The following MGAT4C variants were observed in gnomAD, a reference collection of about 807,000 sequenced individuals.
MGAT4C encodes the protein alpha-1,3-mannosyl-glycoprotein 4-beta-N-acetylglucosaminyltransferase C.
In MGAT4C, 19 loss-of-function variants were observed where a neutral mutation model predicts 40.1. That is an observed-to-expected ratio of 0.47 (90% CI 0.33 to 0.70). The LOEUF is 0.70. Among genes scored for constraint, MGAT4C ranks in the 30% least tolerant of loss-of-function variants. The pLI is 0.02. For synonymous variants in MGAT4C, 181 were observed against 187.1 expected (o/e 0.97, Z 0.27); for missense variants, 491 against 563.2 (o/e 0.87, Z 1.30).
chr12:86,763,443 A>ATG lies in MGAT4C; in HGVS notation c.-261-36204_-261-36203dup, dbSNP rs943864880. ...ACAGTGCTCATTTGATATCATATTAATGTGTTTCACTGGATTTTAATTAGT... is the reference window on the plus strand; with the variant it reads ...ACAGTGCTCATTTGATATCATATTAATGTGTGTTTCACTGGATTTTAATTAGT... On this transcript the variant is annotated intron_variant, in intron 1 of 7. Coordinates refer to the MGAT4C transcript ENST00000548651. Among the ~76,000 whole-genome samples, 42 of 152,160 alleles carry ATG rather than the reference A, an allele frequency of 2.8e-4. 1 individual carries two copies. Among genetic ancestry groups the ATG allele is most frequent in the African/African-American group, 9.9e-4 (41 of 41,440 alleles).
At chr12:86,494,949 G>A (rs2136327473) in intron 2 of MGAT4C, among the ~76,000 whole-genome samples, 1 of 151,936 alleles carries the variant, frequency 6.6e-6, no homozygotes, top group East Asian at 1.9e-4. Context: ...AATGAAGTTG[G>A]GAATATAATG....
chr12:86,322,896 A>G (rs1954430778), intron 4 of MGAT4C, among the ~76,000 whole-genome samples: 1 of 152,076 alleles, frequency 6.6e-6, no homozygotes, highest in South Asian at 2.1e-4. Context: ...TTCTGTATAC[A>G]TTGTCAAGTT....
At chr12:86,010,475 T>C (rs10863144) in intron 2 of MGAT4C, among the ~76,000 whole-genome samples, 68,013 of 151,998 alleles carry the variant, frequency 0.45, 16,076 homozygotes, top group African/African-American at 0.54. Flanking sequence ...GTCAAGAGTT[T>C]GAGACCAACC....
At chr12:86,231,690 G>C (rs1198673474) in intron 1 of MGAT4C, among the ~76,000 whole-genome samples, 1 of 152,016 alleles carries the variant, frequency 6.6e-6, no homozygotes, top group Non-Finnish European at 1.5e-5. Context: ...AGTTAATATA[G>C]AGTATAGAAT....
At chr12:86,148,898 T>C (rs1407619343) in intron 1 of MGAT4C, among the ~76,000 whole-genome samples, 1 of 152,138 alleles carries the variant, frequency 6.6e-6, no homozygotes, top group Non-Finnish European at 1.5e-5. Context: ...CTGAATAAAA[T>C]TAATGTTTGA....
intron 1 of MGAT4C, among the ~76,000 whole-genome samples, chr12:86,078,759 G>A (rs1240870037): frequency 6.6e-6 from 1 of 152,124 alleles, no homozygotes; most frequent in Non-Finnish European, 1.5e-5. Flanking sequence ...CCCATCGGGC[G>A]ATGACAGGGG....
intron 2 of MGAT4C, among the ~76,000 whole-genome samples, chr12:85,998,225 C>G (rs1052577542): frequency 6.6e-6 from 1 of 152,166 alleles, no homozygotes; most frequent in East Asian, 1.9e-4. Context: ...GCACCTAGTC[C>G]CTAGGCTGCA....
chr12:86,709,574 T>A (rs924470998), intron 2 of MGAT4C, among the ~76,000 whole-genome samples: 5 of 151,008 alleles, frequency 3.3e-5, no homozygotes, highest in Non-Finnish European at 5.9e-5. Context: ...AACTTTTATT[T>A]TACATATGTA....
At chr12:86,016,159 T>C (rs1889069270) in intron 2 of MGAT4C, 1 of 152,156 alleles carries the variant, frequency 6.6e-6, no homozygotes, top group African/African-American at 2.4e-5. Context: ...ATCAACGAAA[T>C]GCACTCAACT....
At chr12:86,415,202 C>T (rs1922749) in intron 3 of MGAT4C, among the ~76,000 whole-genome samples, 97,001 of 151,706 alleles carry the variant, frequency 0.64, 31,709 homozygotes, top group South Asian at 0.77. Flanking sequence ...TGTACATCAG[C>T]AAACCTGAAT....
intron 1 of MGAT4C, among the ~76,000 whole-genome samples, chr12:86,204,006 A>AACAATG (rs1950157960): frequency 6.7e-6 from 1 of 150,080 alleles, no homozygotes. Context: ...CTTATAGCTA[A>AACAATG]CTTCTAGAGT....
chr12:86,284,758 A>C (rs980540858), intron 4 of MGAT4C, among the ~76,000 whole-genome samples: 1 of 151,978 alleles, frequency 6.6e-6, no homozygotes, highest in African/African-American at 2.4e-5. Context: ...TAGTCTGCTA[A>C]TTAGAGTTCC....
At chr12:86,247,310 C>T (rs2136063917) in intron 1 of MGAT4C, among the ~76,000 whole-genome samples, 1 of 152,204 alleles carries the variant, frequency 6.6e-6, no homozygotes, top group Non-Finnish European at 1.5e-5. Context: ...CTTTGTTGTT[C>T]CCAGGTGTAA....
intron 2 of MGAT4C, among the ~76,000 whole-genome samples, chr12:86,540,562 CCTGTCTCTA>C (rs1467816870): frequency 6.6e-6 from 1 of 152,054 alleles, no homozygotes; most frequent in Admixed American, 6.6e-5. Context: ...ATAGTGAAAC[CCTGTCTCTA>C]CTAAAAATAC....
chr12:86,597,074 A>C (rs1208177727), intron 2 of MGAT4C, among the ~76,000 whole-genome samples: 9 of 152,186 alleles, frequency 5.9e-5, no homozygotes, highest in Non-Finnish European at 1.3e-4. Flanking sequence ...TTATTTTAAA[A>C]CTACTCTTAA....
In MGAT4C at chr12:86,797,524, G is replaced by A. The variant is rs182330317; in HGVS notation, c.-262+41142C>T. 9.9e-5 allele frequency among the ~76,000 whole-genome samples: 15 copies of A among 151,738 alleles called. No individual in the cohort carries two copies. In the East Asian group the frequency reaches 2.3e-3, roughly 24 times the overall value. ...TCAACTATTAAAAATACCCCAGAAGGATTTGCCATGTTTTTACTATCTGTT... is the reference window on the plus strand; with the variant it reads ...TCAACTATTAAAAATACCCCAGAAGAATTTGCCATGTTTTTACTATCTGTT... On this transcript the variant is annotated intron_variant, in intron 1 of 7. Transcript: ENST00000548651.
intron 2 of MGAT4C, among the ~76,000 whole-genome samples, chr12:86,509,948 A>T (rs1244464625): frequency 6.6e-6 from 1 of 152,160 alleles, no homozygotes; most frequent in African/African-American, 2.4e-5. Flanking sequence ...TTATCAGCTT[A>T]AGGAGATTTT....
intron 2 of MGAT4C, among the ~76,000 whole-genome samples, chr12:86,592,971 T>A (rs1961389179): frequency 1.3e-5 from 2 of 152,036 alleles, no homozygotes. Flanking sequence ...TATCAAGAGG[T>A]TTTTGGTTAT....
intron 2 of MGAT4C, among the ~76,000 whole-genome samples, chr12:86,692,777 C>T (rs545345879): frequency 6.6e-6 from 1 of 152,268 alleles, no homozygotes; most frequent in South Asian, 2.1e-4. Flanking sequence ...GGTAGCCCTA[C>T]TTGACCCTGA....
Sources: allele counts gnomAD v4.1 joint callset (sites outside exome capture counted in the v4.1 genomes callset), GRCh38; gene constraint gnomAD v4.1.1; transcripts MANE v1.5; gene names NCBI Gene and HGNC (gene_info 2026-07-23, HGNC 2026-07-21).